PHYKPL: variants seen among roughly 807,000 people sequenced by gnomAD.
The protein encoded by PHYKPL is 5-phosphohydroxy-L-lysine phospho-lyase.
Under a neutral mutation model 51.3 loss-of-function variants are expected in PHYKPL, and 42 were observed. The ratio of observed to expected loss-of-function variants is 0.82; its 90% CI spans 0.64 to 1.06. The LOEUF is 1.06. PHYKPL is among the 50% of genes least tolerant of loss of function. The pLI is 0.00. For missense variants in PHYKPL, 655 were observed against 586.6 expected, an observed-to-expected ratio of 1.12 and a Z score of -1.20; for synonymous variants, 264 against 236.0, an observed-to-expected ratio of 1.12 and a Z score of -1.09.
chr5:178,232,450 C>T, intron 1 of PHYKPL, 42 bp downstream of exon 1: 2 of 1,377,366 alleles, frequency 1.5e-6, no homozygotes. Flanking sequence ...TGCCTCTCCG[C>T]GCAGCCCCGC....
At chr5:178,211,338 C>A (rs188419629) in intron 12 of PHYKPL, 194 of 153,804 alleles carry the variant, frequency 1.3e-3, no homozygotes, top group Non-Finnish European at 2.2e-3. Context: ...GCTGAGCCCC[C>A]CTTCAAAGAA....
In PHYKPL at chr5:178,232,555, G is replaced by A; in HGVS notation, c.-5C>T. The A allele has an allele frequency of 7.8e-7, 1 of 1,287,300 alleles. No homozygotes were observed. The allele number at this position is 1,287,300 out of a possible 1,614,324, so 79.7% of individuals were successfully genotyped here. On this transcript the variant is annotated 5_prime_UTR_variant, in exon 1 of 13. Transcript: ENST00000308158. ...CGGGCGCTGGTCTGCGGCCATGGTG[G>A]GTGGCCGTCAGTCGGTGCCGTGACG... is the stretch of plus-strand genomic sequence containing the variant.
intron 10 of PHYKPL, among the ~76,000 whole-genome samples, chr5:178,214,195 G>C (rs114025780): frequency 6.6e-6 from 1 of 152,172 alleles, no homozygotes; most frequent in African/African-American, 2.4e-5. Flanking sequence ...GGGGGAAGGG[G>C]TAGGCCTGGG....
At chr5:178,226,887 G>A (rs1344628293) in intron 3 of PHYKPL, among the ~76,000 whole-genome samples, 1 of 152,068 alleles carries the variant, frequency 6.6e-6, no homozygotes, top group Non-Finnish European at 1.5e-5. Flanking sequence ...GAAAATGAAT[G>A]CGTGTGTTTG....
chr5:178,217,510 A>C (rs1382501024), intron 8 of PHYKPL, among the ~76,000 whole-genome samples: 1 of 151,488 alleles, frequency 6.6e-6, no homozygotes, highest in African/African-American at 2.4e-5. Flanking sequence ...GGCGTGAGCC[A>C]CTGCACCTGG....
chr5:178,213,870 T>G (rs1177862070), intron 10 of PHYKPL, among the ~76,000 whole-genome samples: 2 of 152,228 alleles, frequency 1.3e-5, no homozygotes, highest in African/African-American at 4.8e-5. Context: ...CAGATCTAGC[T>G]CTTGCCACCT....
chr5:178,218,895 C>T (rs1316129334), intron 8 of PHYKPL, among the ~76,000 whole-genome samples: 1 of 151,986 alleles, frequency 6.6e-6, no homozygotes, highest in Non-Finnish European at 1.5e-5. Flanking sequence ...GTTACCAAAA[C>T]CCAAGGTATA....
chr5:178,219,085 C>A (rs564581310), intron 8 of PHYKPL, among the ~76,000 whole-genome samples: 109 of 152,076 alleles, frequency 7.2e-4, no homozygotes, highest in African/African-American at 2.6e-3. Flanking sequence ...TATGTCAAAA[C>A]AAAATGTTAA....
At chr5:178,227,456 T>C (rs1459566049) in intron 3 of PHYKPL, among the ~76,000 whole-genome samples, 2 of 152,172 alleles carry the variant, frequency 1.3e-5, no homozygotes, top group Non-Finnish European at 2.9e-5. Context: ...GAAGCGTCTA[T>C]GGGGAGGTGA....
intron 1 of PHYKPL, 64 bp downstream of exon 1, chr5:178,232,428 C>CGTGCGTGCGTA: frequency 7.3e-7 from 1 of 1,367,752 alleles, no homozygotes; most frequent in South Asian, 1.7e-5. Flanking sequence ...GTGCGTGCGT[C>CGTGCGTGCGTA]GTGCGTGCGC....
intron 1 of PHYKPL, 46 bp from the exon 2 acceptor site, chr5:178,231,569 A>G (rs1238934706): frequency 1.2e-6 from 2 of 1,613,684 alleles, no homozygotes; most frequent in Admixed American, 1.7e-5. Flanking sequence ...GAAGACCGAA[A>G]GGGTGAAGTC....
At chr5:178,210,630 A>G in intron 12 of PHYKPL, 3 of 1,611,124 alleles carry the variant, frequency 1.9e-6, no homozygotes, top group Non-Finnish European at 2.5e-6. Flanking sequence ...CTGAGGCGGC[A>G]GCAGGAGCGA....
chr5:178,231,614 T>C, intron 1 of PHYKPL, 91 bp from the exon 2 acceptor site: 2 of 1,593,270 alleles, frequency 1.3e-6, no homozygotes, highest in Middle Eastern at 1.7e-4. Flanking sequence ...CCCTTCCCAG[T>C]TTCTGGTGGC....
At chr5:178,209,257 C>T in intron 12 of PHYKPL, 1 of 1,139,422 alleles carries the variant, frequency 8.8e-7, no homozygotes, top group South Asian at 1.2e-5. Context: ...ATGTTTGTCG[C>T]AGTGAAGGTG....
At chr5:178,221,215 A>C (rs1761114633) in intron 8 of PHYKPL, among the ~76,000 whole-genome samples, 1 of 152,174 alleles carries the variant, frequency 6.6e-6, no homozygotes, top group Non-Finnish European at 1.5e-5. Context: ...GTCAAGTAAA[A>C]CAAAGAAATA....
downstream of PHYKPL, among the ~76,000 whole-genome samples, chr5:178,207,799 C>T (rs905097756): frequency 3.4e-5 from 5 of 145,146 alleles, no homozygotes; most frequent in Non-Finnish European, 6.0e-5. Flanking sequence ...ACCTCATGGG[C>T]GGACCGGATC....
At chr5:178,219,120 A>AAT (rs1259229148) in intron 8 of PHYKPL, among the ~76,000 whole-genome samples, 2 of 152,250 alleles carry the variant, frequency 1.3e-5, no homozygotes, top group East Asian at 3.8e-4. Flanking sequence ...AACATAAATG[A>AAT]ATATATTTTA....
intron 8 of PHYKPL, among the ~76,000 whole-genome samples, chr5:178,220,933 C>G (rs1213178081): frequency 6.6e-6 from 1 of 152,004 alleles, no homozygotes; most frequent in Non-Finnish European, 1.5e-5. Flanking sequence ...CATATAAACT[C>G]AAATAACAAC....
chr5:178,209,171 A>G (rs964373544), intron 12 of PHYKPL, among the ~76,000 whole-genome samples: 3 of 152,338 alleles, frequency 2.0e-5, no homozygotes, highest in Middle Eastern at 3.4e-3. Context: ...TTGGGATTCC[A>G]TGAGCTTTAG....
Sources: allele counts gnomAD v4.1 joint callset (sites outside exome capture counted in the v4.1 genomes callset), GRCh38; gene constraint gnomAD v4.1.1; transcripts MANE v1.5; gene names NCBI Gene and HGNC (gene_info 2026-07-23, HGNC 2026-07-21).